Variants in FASTKD1 observed in about 807,000 individuals in gnomAD.
The protein encoded by FASTKD1 is FAST kinase domain-containing protein 1, mitochondrial.
FASTKD1 carries 94 observed loss-of-function variants against 90.9 expected under a neutral mutation model. That is an observed-to-expected ratio of 1.03 (90% CI 0.88 to 1.23). FASTKD1 has a LOEUF of 1.23. Ranked by LOEUF, FASTKD1 falls within the 50% of genes most tolerant of loss-of-function variation. FASTKD1 has a pLI of 0.00. For missense variants in FASTKD1, 945 were observed against 993.5 expected (o/e 0.95, Z 0.66); for synonymous variants, 319 against 345.8 (o/e 0.92, Z 0.86).
At chr2:169,541,477 G>A (rs1447610179) in intron 9 of FASTKD1, among the ~76,000 whole-genome samples, 3 of 152,112 alleles carry the variant, frequency 2.0e-5, no homozygotes, top group Non-Finnish European at 4.4e-5. Flanking sequence ...GGGTATAAAT[G>A]TATACCATAC....
rs527643454 is a variant in FASTKD1, at chr2:169,533,696, C to A, written c.2189-2206G>T. On this transcript the variant is annotated intron_variant, in intron 12 of 14. Coordinates refer to ENST00000453153, the MANE Select transcript of FASTKD1 (RefSeq NM_024622.6). Reference sequence around the variant, plus strand: ...TGGACATACCAGCAAAAAAATCTTACAGATTGATTAAATCATAGCATACTC... The same window carrying A: ...TGGACATACCAGCAAAAAAATCTTAAAGATTGATTAAATCATAGCATACTC... 3.2e-4 allele frequency among the ~76,000 whole-genome samples: 48 copies of A among 152,216 alleles called. No individual in the cohort carries two copies. In the South Asian group the frequency reaches 5.4e-3, roughly 17 times the overall value.
rs77162966 is a variant in FASTKD1 at position 169,536,316 on chromosome 2, C to T, written c.2188+911G>A. On this transcript the variant is annotated intron_variant, in intron 12 of 14. Coordinates refer to ENST00000453153, the MANE Select transcript of FASTKD1 (RefSeq NM_024622.6). Reference sequence around the variant, plus strand: ...TCCTAGTCCTCTCTAGTTCTGTCTACGACATGATTAGACAAGATCCTTCAC... The same window carrying T: ...TCCTAGTCCTCTCTAGTTCTGTCTATGACATGATTAGACAAGATCCTTCAC... Among the ~76,000 whole-genome samples the T allele has an allele frequency of 4.6e-3, 704 of 152,040 alleles. 8 individuals carry two copies. The highest frequency in any genetic ancestry group is 0.016 in the African/African-American group (672 of 41,458).
intron 12 of FASTKD1, among the ~76,000 whole-genome samples, chr2:169,534,365 C>T (rs1321785552): frequency 6.6e-6 from 1 of 151,562 alleles, no homozygotes; most frequent in Non-Finnish European, 1.5e-5. Context: ...GAAGCAGAGG[C>T]TAGGTCCTTA....
chr2:169,544,549 C>T (rs1293143743), intron 9 of FASTKD1, among the ~76,000 whole-genome samples, 172 bp downstream of exon 9: 5 of 151,992 alleles, frequency 3.3e-5, no homozygotes, highest in Non-Finnish European at 5.9e-5. Flanking sequence ...CCAGCCTGGG[C>T]GACAGAGCAA....
intron 11 of FASTKD1, 28 bp from the exon 12 acceptor site, chr2:169,537,368 A>C: frequency 7.2e-7 from 1 of 1,392,034 alleles, no homozygotes. Flanking sequence ...TAATTAGTCT[A>C]CTTAATCTTT....
intron 10 of FASTKD1, among the ~76,000 whole-genome samples, chr2:169,539,759 G>A (rs1243041118): frequency 2.0e-5 from 3 of 152,076 alleles, no homozygotes. Context: ...GTGAGACCCT[G>A]TCTCAAAACA....
In FASTKD1 at chr2:169,563,378, C is replaced by T. The variant is rs746984099; in HGVS notation, c.447-28G>A. On this transcript the variant is annotated intron_variant, in intron 3 of 14. Coordinates refer to ENST00000453153, the MANE Select transcript of FASTKD1 (RefSeq NM_024622.6). ...ATTAAAGGAAATATACAAAGGAGAA[C>T]ATTAGTATTTACTTTCACTTAAAAC... is the stretch of plus-strand genomic sequence containing the variant. 8.7e-6 allele frequency: 13 copies of T among 1,490,494 alleles called. No homozygotes were observed. In the South Asian group the frequency reaches 1.4e-4, roughly 16 times the overall value. 92.3% of individuals were successfully genotyped at this position (1,490,494 alleles called of 1,614,324 possible). A position where few individuals can be genotyped will look rare whatever the true frequency, so the allele number is the denominator to read the frequency against.
At chr2:169,535,590 A>G (rs944503859) in intron 12 of FASTKD1, among the ~76,000 whole-genome samples, 1 of 152,152 alleles carries the variant, frequency 6.6e-6, no homozygotes, top group African/African-American at 2.4e-5. Flanking sequence ...GTGTATGAGC[A>G]TGAGCCACTG....
Position 169,546,633 on chromosome 2 carries a change from G to A in FASTKD1, c.1286C>T (p.Pro429Leu). The part of the protein sequence containing the change: ...LVRAISLLPS[P>L]HLDEVGISRI... Reference sequence around the variant, plus strand: ...GGATATCCCCACTTCGTCCAAGTGAGGAGAAGGGAGCAGGGAAATAGCACG... The same window carrying A: ...GGATATCCCCACTTCGTCCAAGTGAAGAGAAGGGAGCAGGGAAATAGCACG... Residue 429 changes from proline (P) to leucine (L), a missense_variant, in exon 8 of 15, where the codon CCT (proline) becomes CTT (leucine). Transcript: ENST00000453153. 1 of 1,614,048 alleles carries A rather than the reference G, an allele frequency of 6.2e-7. No homozygotes were observed. Among genetic ancestry groups the A allele is most frequent in the Non-Finnish European group, 8.5e-7 (1 of 1,179,978 alleles).
At chr2:169,572,412 G>GA (rs1171175569) in intron 1 of FASTKD1, among the ~76,000 whole-genome samples, 8 of 145,206 alleles carry the variant, frequency 5.5e-5, no homozygotes, top group East Asian at 2.0e-4. Context: ...ACCATAAAAG[G>GA]AAAAAAAAAG....
intron 6 of FASTKD1, among the ~76,000 whole-genome samples, chr2:169,555,692 A>G (rs1169818616): frequency 1.3e-5 from 2 of 152,244 alleles, no homozygotes; most frequent in African/African-American, 2.4e-5. Flanking sequence ...AGTAAGTTGG[A>G]AAAAAATGGG....
intron 9 of FASTKD1, among the ~76,000 whole-genome samples, chr2:169,542,792 T>A (rs1685010909): frequency 6.6e-6 from 1 of 152,194 alleles, no homozygotes; most frequent in Non-Finnish European, 1.5e-5. Context: ...TACAAACATC[T>A]ATTAAGGTTC....
At chr2:169,556,243 C>G (rs185525478) in intron 6 of FASTKD1, among the ~76,000 whole-genome samples, 2 of 151,866 alleles carry the variant, frequency 1.3e-5, no homozygotes, top group East Asian at 3.9e-4. Context: ...TGGAGACCAG[C>G]CTGGGTAACA....
chr2:169,542,622 T>C (rs961329804), intron 9 of FASTKD1, among the ~76,000 whole-genome samples: 8 of 152,188 alleles, frequency 5.3e-5, no homozygotes, highest in African/African-American at 1.4e-4. Flanking sequence ...TTCCAGCACT[T>C]GGGAGGCTAA....
Position 169,571,743 on chromosome 2 carries a change from G to C in FASTKD1, c.287C>G (p.Pro96Arg), listed in dbSNP as rs1275538819. 1.2e-5 allele frequency: 19 copies of C among 1,613,706 alleles called. No homozygotes were observed. Among genetic ancestry groups the C allele is most frequent in the Non-Finnish European group, 1.6e-5 (19 of 1,179,730 alleles). ...TAAATTATGAAGAGTAAGAAATTGA[G>C]GATGGTCTCTGACATACTCAGCATT... Reference protein sequence around the residue: ...LKNAEYVRDHPQFLTLHNLAT... With the variant: ...LKNAEYVRDHRQFLTLHNLAT... Residue 96 changes from proline to arginine, a missense_variant, in exon 2 of 15, where the codon CCT becomes CGT. By Grantham distance (103) the Pro-to-Arg change is moderately radical. Transcript: ENST00000453153.
chr2:169,530,834 T>C, intron 13 of FASTKD1, 133 bp from the exon 14 acceptor site: 1 of 646,672 alleles, frequency 1.5e-6, no homozygotes. Context: ...TATCAAGTTA[T>C]GTTTCTACTA....
chr2:169,565,249 CTTTTTTTTTTTTTT>C lies in FASTKD1; in HGVS notation c.447-1913_447-1900del, dbSNP rs71003101. ...TACAGGCGTGAGCCACCACACCAGGCTTTTTTTTTTTTTTTTTTTTTTTTTTTTTTTGAGAGGGA... is the reference window on the plus strand; with the variant it reads ...TACAGGCGTGAGCCACCACACCAGGCTTTTTTTTTTTTTTTTTGAGAGGGA... On this transcript the variant is annotated intron_variant, in intron 3 of 14. Coordinates refer to ENST00000453153, the MANE Select transcript of FASTKD1 (RefSeq NM_024622.6). 1.5e-3 allele frequency among the ~76,000 whole-genome samples: 39 copies of C among 26,554 alleles called. 1 individual carries two copies. The highest frequency in any genetic ancestry group is 3.5e-3 in the African/African-American group (26 of 7,348). The allele number at this position is 26,554 out of a possible 152,430, so 17.4% of individuals were successfully genotyped here. A position where few individuals can be genotyped will look rare whatever the true frequency, so the allele number is the denominator to read the frequency against.
rs1684408204 is a variant in FASTKD1 at position 169,529,940 on chromosome 2, A to G, written c.2443-14T>C. Reference sequence around the variant, plus strand: ...AAACTGGGAAATCTGAAAATAAGTAATGTTGTTTGAATGAAAGTTTTAAAG... The same window carrying G: ...AAACTGGGAAATCTGAAAATAAGTAGTGTTGTTTGAATGAAAGTTTTAAAG... On this transcript the variant is annotated splice_polypyrimidine_tract_variant and intron_variant, in intron 14 of 14. Coordinates refer to ENST00000453153, the MANE Select transcript of FASTKD1 (RefSeq NM_024622.6). 6.4e-7 allele frequency: 1 copy of G among 1,573,898 alleles called. No homozygotes were observed. The highest frequency in any genetic ancestry group is 1.1e-5 in the South Asian group (1 of 88,296).
At chr2:169,564,676 T>A (rs868842155) in intron 3 of FASTKD1, among the ~76,000 whole-genome samples, 5 of 148,824 alleles carry the variant, frequency 3.4e-5, no homozygotes, top group Admixed American at 2.0e-4. Flanking sequence ...ATTCATTTTA[T>A]TTTTTTTTAC....
Sources: gnomAD v4.1 joint callset for allele counts (sites outside exome capture counted in the v4.1 genomes callset) on GRCh38, gnomAD v4.1.1 for gene constraint, MANE v1.5 for transcripts, NCBI Gene and HGNC (gene_info 2026-07-23, HGNC 2026-07-21) for gene names.